The following PHLDB1 variants were observed in gnomAD, a reference collection of about 807,000 sequenced individuals.
The protein encoded by PHLDB1 is pleckstrin homology like domain family B member 1.
PHLDB1 carries 65 observed loss-of-function variants against 139.3 expected under a neutral mutation model. That is an observed-to-expected ratio of 0.47 (90% confidence interval 0.38 to 0.57). The LOEUF (loss-of-function observed/expected upper bound fraction) is 0.57, where lower values mean the gene tolerates loss of function less well. Among genes scored for constraint, PHLDB1 ranks in the 20% least tolerant of loss-of-function variants. PHLDB1 has a pLI of 0.00. For missense variants in PHLDB1, 1,624 were observed against 1,839.7 expected, an observed-to-expected ratio of 0.88 and a Z score of 2.14; for synonymous variants, 679 against 734.5, an observed-to-expected ratio of 0.92 and a Z score of 1.22.
In PHLDB1 at chr11:118,616,188, G is replaced by C. The variant is rs924612982; in HGVS notation, c.332G>C (p.Arg111Pro). The change falls in exon 4 of 23, where the codon CGG becomes CCG. Residue 111 changes from arginine (R) to proline (P), a missense_variant. By Grantham distance (103) the Arg-to-Pro change is moderately radical. Transcript: ENST00000600882. The stretch of plus-strand genomic sequence containing the variant: ...TGCACTATTGATGGGCTCCCTGTCC[G>C]GCAGCCTACCCGGCTCACTCAGGGT... ...NACTIDGLPV[R>P]QPTRLTQGCM... 2 of 1,613,966 alleles carry C rather than the reference G, an allele frequency of 1.2e-6. No individual in the cohort carries two copies. The highest frequency in any genetic ancestry group is 2.2e-5 in the East Asian group (1 of 44,882).
chr11:118,651,837 T>C (rs1316686348), intron 20 of PHLDB1: 1 of 152,134 alleles, frequency 6.6e-6, no homozygotes, highest in African/African-American at 2.4e-5. Flanking sequence ...TAGGCTTCCT[T>C]ATGCCCAATA....
intron 6 of PHLDB1, among the ~76,000 whole-genome samples, chr11:118,630,509 TG>T (rs1944623818): frequency 6.6e-6 from 1 of 152,166 alleles, no homozygotes. Flanking sequence ...CTCTTCTCCA[TG>T]TATGTCTGTG....
Position 118,627,235 on chromosome 11 carries a change from G to C in PHLDB1, c.482-70G>C, listed in dbSNP as rs1275808989. Reference sequence around the variant, plus strand: ...GTTAGCCTCACTGTGCTAGGAGGAGGGGGGCTAGTGCTCTGGCTTTTATGC... The same window carrying C: ...GTTAGCCTCACTGTGCTAGGAGGAGCGGGGCTAGTGCTCTGGCTTTTATGC... On this transcript the variant is annotated intron_variant, in intron 5 of 22. Coordinates refer to ENST00000600882, the MANE Select transcript of PHLDB1 (RefSeq NM_001144758.3). 6 of 1,469,662 alleles carry C rather than the reference G, an allele frequency of 4.1e-6. No individual in the cohort carries two copies. The Admixed American group carries it at 1.1e-4, about 28-fold the overall frequency. The allele number at this position is 1,469,662 out of a possible 1,614,324, so 91.0% of individuals were successfully genotyped here.
rs1947055023 is a variant in PHLDB1 at position 118,644,135 on chromosome 11, G to C, written c.3082G>C (p.Asp1028His). 6.2e-7 allele frequency: 1 copy of C among 1,613,464 alleles called. No homozygotes were observed. Among genetic ancestry groups the C allele is most frequent in the African/African-American group, 1.3e-5 (1 of 74,922 alleles). ...LPRNLAATLQ[D>H]IETKRQLALQ... ...TCGCAACCTGGCAGCCACACTGCAG[G>C]ACATCGAGACCAAGCGCCAACTAGC... The change falls in exon 15 of 23, where the codon GAC becomes CAC. Residue 1028 changes from aspartate to histidine, a missense_variant. Coordinates refer to ENST00000600882, the MANE Select transcript of PHLDB1 (RefSeq NM_001144758.3).
At chr11:118,623,911 TGTGTGTGA>T (rs201936070) in intron 4 of PHLDB1, among the ~76,000 whole-genome samples, 31 of 145,282 alleles carry the variant, frequency 2.1e-4, no homozygotes, top group East Asian at 4.2e-4. Context: ...TGTGTGTGTG[TGTGTGTGA>T]GACGGAGTTT....
Position 118,645,337 on chromosome 11 carries a change from C to G in PHLDB1, c.3122-19C>G. ...CTGCGTGGGGAGCCCACTGTGACTC[C>G]CATCTGTCTCTCCTTCAGGACAACA... On this transcript the variant is annotated intron_variant, in intron 15 of 22. Coordinates refer to ENST00000600882, the MANE Select transcript of PHLDB1 (RefSeq NM_001144758.3). This position sits in a 1 kb window ranked among gnomAD's most constrained non-coding sequence, Gnocchi z 5.1. 6.6e-7 allele frequency: 1 copy of G among 1,507,532 alleles called. No homozygotes were observed. Among genetic ancestry groups the G allele is most frequent in the South Asian group, 1.4e-5 (1 of 73,958 alleles). The allele number at this position is 1,507,532 out of a possible 1,614,324, so 93.4% of individuals were successfully genotyped here.
Position 118,632,265 on chromosome 11 carries a change from T to C in PHLDB1, c.2348T>C (p.Leu783Ser). The stretch of plus-strand genomic sequence containing the variant: ...CAGCTGCAGGAGAAGCTGGTGGCCT[T>C]GGAGACAGGCATCCAGAAGGAGAGG... ...VDQLQEKLVALETGIQKERDK... is the reference protein window; with the variant it reads ...VDQLQEKLVASETGIQKERDK... The change falls in exon 9 of 23, where the codon TTG becomes TCG. Residue 783 changes from leucine to serine, a missense_variant. By Grantham distance (145) the Leu-to-Ser change is moderately radical. Transcript: ENST00000600882. This position sits in a 1 kb window ranked among gnomAD's most constrained non-coding sequence, Gnocchi z 5.9. 1 of 1,613,354 alleles carries C rather than the reference T, an allele frequency of 6.2e-7. No homozygotes were observed. Among genetic ancestry groups the C allele is most frequent in the Non-Finnish European group, 8.5e-7 (1 of 1,180,004 alleles).
intron 9 of PHLDB1, 95 bp from the exon 10 acceptor site, chr11:118,635,298 C>A: frequency 2.2e-6 from 3 of 1,395,230 alleles, no homozygotes; most frequent in Non-Finnish European, 9.7e-7. Context: ...TCCCCGGGTC[C>A]AGCCCCATAC....
intron 4 of PHLDB1, 170 bp from the exon 5 acceptor site, chr11:118,624,764 C>T (rs917711332): frequency 1.8e-5 from 11 of 607,196 alleles, no homozygotes; most frequent in East Asian, 2.9e-5. Flanking sequence ...CGTCCACCAC[C>T]ACACCCGGCT....
chr11:118,623,762 A>G (rs1819511099), intron 4 of PHLDB1, among the ~76,000 whole-genome samples: 1 of 151,664 alleles, frequency 6.6e-6, no homozygotes, highest in Non-Finnish European at 1.5e-5. Flanking sequence ...GTGACCCTGG[A>G]AGTTGCTGCC....
Position 118,608,377 on chromosome 11 carries a change from G to T in PHLDB1, c.-22+678G>T, listed in dbSNP as rs530449988. Among the ~76,000 whole-genome samples, 2 of 152,306 alleles carry T rather than the reference G, an allele frequency of 1.3e-5. No individual in the cohort carries two copies. The highest frequency in any genetic ancestry group is 4.1e-4 in the South Asian group (2 of 4,834). On this transcript the variant is annotated intron_variant, in intron 1 of 22. Transcript: ENST00000600882. This position sits in a 1 kb window ranked among gnomAD's most constrained non-coding sequence, Gnocchi z 6.7. ...GGTCCCTATTGGAATCCCTAGCGGA[G>T]TTCCCCGAGCGGAGGCTGACCCAAG...
In PHLDB1 at chr11:118,610,800, A is replaced by T. The variant is rs1940047932; in HGVS notation, c.-21-3016A>T. Among the ~76,000 whole-genome samples the T allele has an allele frequency of 6.6e-6, 1 of 151,764 alleles. No individual in the cohort carries two copies. Among genetic ancestry groups the T allele is most frequent in the African/African-American group, 2.4e-5 (1 of 41,276 alleles). ...TCCCGCGTGGCTGGGGTGTCGGCGC[A>T]TTCCCGCGGGGGAGGAGGCCGAGGG... On this transcript the variant is annotated intron_variant, in intron 1 of 22. Coordinates refer to ENST00000600882, the MANE Select transcript of PHLDB1 (RefSeq NM_001144758.3). This position sits in a 1 kb window ranked among gnomAD's most constrained non-coding sequence, Gnocchi z 8.7.
rs1948218534 is a variant in PHLDB1 at position 118,650,692 on chromosome 11, G to GTA, written c.3874+146_3874+147dup. The stretch of plus-strand genomic sequence containing the variant: ...GGCTTTGCCCTCCTTCCCTGAAAAT[G>GTA]TACACAATGTACCTGGTTCACCTCC... On this transcript the variant is annotated intron_variant, in intron 20 of 22. Transcript: ENST00000600882. The surrounding 1 kb of genome is among the most constrained non-coding windows in gnomAD (Gnocchi z 4.7). 3 of 621,522 alleles carry GTA rather than the reference G, an allele frequency of 4.8e-6. No individual in the cohort carries two copies. The highest frequency in any genetic ancestry group is 8.6e-6 in the Non-Finnish European group (3 of 346,954). The allele number at this position is 621,522 out of a possible 1,614,324, so 38.5% of individuals were successfully genotyped here. A position where few individuals can be genotyped will look rare whatever the true frequency, so the allele number is the denominator to read the frequency against.
At position 118,657,949 on chromosome 11, in the gene PHLDB1, T is replaced by G; in HGVS notation, c.*1126T>G. On this transcript the variant is annotated 3_prime_UTR_variant, in exon 23 of 23. Transcript: ENST00000600882. ...TGCTCTCCTTCCCAGCATTGAGCCC[T>G]TGGTTGCCTGGGCCCAGGCTGGGGG... 1.6e-5 allele frequency: 4 copies of G among 254,722 alleles called. No homozygotes were observed. The highest frequency in any genetic ancestry group is 2.2e-5 in the African/African-American group (1 of 45,922). The allele number at this position is 254,722 out of a possible 1,614,324, so 15.8% of individuals were successfully genotyped here.
rs139155819 is a variant in PHLDB1 at position 118,628,168 on chromosome 11, C to T, written c.1345C>T (p.Arg449Trp). 1.4e-4 allele frequency: 234 copies of T among 1,613,950 alleles called. No homozygotes were observed. The highest frequency in any genetic ancestry group is 6.4e-5 in the Non-Finnish European group (76 of 1,180,008). Residue 449 changes from arginine (R) to tryptophan (W), a missense_variant, in exon 6 of 23, where the codon CGG (arginine) becomes TGG (tryptophan). Transcript: ENST00000600882. ...QPPESPRLGR[R>W]GLDSMRELPP... ...TCCTGAGAGTCCCCGCCTGGGCCGG[C>T]GGGGCCTGGACAGTATGCGAGAACT...
In PHLDB1 at chr11:118,610,475, C is replaced by T; in HGVS notation, c.-22+2776C>T. 1 of 980,072 alleles carries T rather than the reference C, an allele frequency of 1.0e-6. No homozygotes were observed. The highest frequency in any genetic ancestry group is 1.1e-4 in the East Asian group (1 of 8,768). 60.7% of individuals were successfully genotyped at this position (980,072 alleles called of 1,614,324 possible). On this transcript the variant is annotated intron_variant, in intron 1 of 22. Transcript: ENST00000600882. The surrounding 1 kb of genome is among the most constrained non-coding windows in gnomAD (Gnocchi z 8.7). ...CAGCTCGGCCTGGCGGGCCTCTGGC[C>T]ACAGCCATGCACCGCTTGGGCCGAG...
rs371746444 is a variant in PHLDB1, at chr11:118,635,599, G to A, written c.2535+51G>A. ...CGTGCTGTTGGAGGCCAGTGACCTG[G>A]GTTTGAATCCCAATGACCTCACAAA... On this transcript the variant is annotated intron_variant, in intron 10 of 22. Transcript: ENST00000600882. 4 of 1,430,666 alleles carry A rather than the reference G, an allele frequency of 2.8e-6. No homozygotes were observed. In the South Asian group the frequency reaches 4.6e-5, roughly 17 times the overall value. The allele number at this position is 1,430,666 out of a possible 1,614,324, so 88.6% of individuals were successfully genotyped here. A position where few individuals can be genotyped will look rare whatever the true frequency, so the allele number is the denominator to read the frequency against.
intron 13 of PHLDB1, among the ~76,000 whole-genome samples, chr11:118,643,262 T>A (rs532756327): frequency 4.6e-4 from 70 of 152,146 alleles, no homozygotes; most frequent in Non-Finnish European, 1.9e-4. Context: ...ATAAGTAATC[T>A]CTCCAAGGCC....
Position 118,650,738 on chromosome 11 carries a change from A to T in PHLDB1, c.3874+191A>T. On this transcript the variant is annotated intron_variant, in intron 20 of 22. Coordinates refer to ENST00000600882, the MANE Select transcript of PHLDB1 (RefSeq NM_001144758.3). The surrounding 1 kb of genome is among the most constrained non-coding windows in gnomAD (Gnocchi z 4.7). ...CCTCCATTTTTGTGTTCATTCATTCATTCCTTCATTCAGCAATGTTACTAA... is the reference window on the plus strand; with the variant it reads ...CCTCCATTTTTGTGTTCATTCATTCTTTCCTTCATTCAGCAATGTTACTAA... 1 of 595,506 alleles carries T rather than the reference A, an allele frequency of 1.7e-6. No individual in the cohort carries two copies. Among genetic ancestry groups the T allele is most frequent in the South Asian group, 2.0e-5 (1 of 49,972 alleles). 36.9% of individuals were successfully genotyped at this position (595,506 alleles called of 1,614,324 possible). A position where few individuals can be genotyped will look rare whatever the true frequency, so the allele number is the denominator to read the frequency against.
Sources: gnomAD v4.1 joint callset for allele counts (sites outside exome capture counted in the v4.1 genomes callset) on GRCh38, gnomAD v4.1.1 for gene constraint, Gnocchi (gnomAD v3.1) non-coding constraint, MANE v1.5 for transcripts, NCBI Gene and HGNC (gene_info 2026-07-23, HGNC 2026-07-21) for gene names.